APOC4: variants seen among roughly 807,000 people sequenced by gnomAD.
APOC4 encodes the protein apolipoprotein C4, also known as apolipoprotein C-IV.
A neutral mutation model predicts 8.4 loss-of-function variants in APOC4; 10 were observed. The observed-to-expected ratio is 1.19, with a 90% CI of 0.74 to 2.03. The LOEUF (loss-of-function observed/expected upper bound fraction) is 2.03, where lower values mean the gene tolerates loss of function less well. Ranked by LOEUF, APOC4 falls within the 30% of genes most tolerant of loss-of-function variation. The pLI is 0.00. For missense variants in APOC4, 160 were observed against 156.1 expected, an observed-to-expected ratio of 1.02 and a Z score of -0.13; for synonymous variants, 59 against 65.8, an observed-to-expected ratio of 0.90 and a Z score of 0.50.
intron 1 of APOC4, among the ~76,000 whole-genome samples, chr19:44,943,073 C>T (rs889647192): frequency 6.6e-6 from 1 of 152,146 alleles, no homozygotes; most frequent in African/African-American, 2.4e-5. Context: ...AGGAGCCCAC[C>T]ACCACGCCTG....
intron 2 of APOC4, 75 bp downstream of exon 2, chr19:44,944,965 T>C: frequency 6.5e-7 from 1 of 1,538,046 alleles, no homozygotes; most frequent in South Asian, 1.2e-5. Context: ...CCTGGACCCC[T>C]GAGTCTCAGG....
intron 1 of APOC4, 92 bp downstream of exon 1, chr19:44,942,445 T>G (rs1568631781): frequency 7.7e-7 from 1 of 1,302,232 alleles, no homozygotes; most frequent in East Asian, 2.5e-5. Flanking sequence ...ACGTGAGACA[T>G]GAGTACGGAG....
At chr19:44,944,246 T>C (rs1454930818) in intron 1 of APOC4, among the ~76,000 whole-genome samples, 1 of 152,018 alleles carries the variant, frequency 6.6e-6, no homozygotes, top group Non-Finnish European at 1.5e-5. Context: ...GGTGAAGAGA[T>C]GGCCCAGCCG....
intron 1 of APOC4, among the ~76,000 whole-genome samples, chr19:44,943,672 A>G (rs1255406813): frequency 6.6e-6 from 1 of 151,850 alleles, no homozygotes; most frequent in African/African-American, 2.4e-5. Flanking sequence ...GGTTGCAGTG[A>G]GCCGAGATCG....
chr19:44,944,655 G>T, intron 1 of APOC4, 94 bp from the exon 2 acceptor site: 11 of 1,461,640 alleles, frequency 7.5e-6, no homozygotes, highest in Non-Finnish European at 1.0e-5. Context: ...CTGCCCCTGG[G>T]CCACCGGGAG....
At chr19:44,944,937 A>C (rs1207528249) in intron 2 of APOC4, 47 bp downstream of exon 2, 2 of 1,567,198 alleles carry the variant, frequency 1.3e-6, no homozygotes, top group Admixed American at 1.9e-5. Context: ...CCTGGGTCTG[A>C]GGGAGGAGGG....
At position 44,945,301 on chromosome 19, in the gene APOC4, G is replaced by A. The variant is rs562108646; in HGVS notation, c.380G>A (p.Gly127Asp). 1.8e-5 allele frequency: 29 copies of A among 1,612,478 alleles called. No homozygotes were observed. Among genetic ancestry groups the A allele is most frequent in the Non-Finnish European group, 2.3e-5 (27 of 1,179,536 alleles). The part of the protein sequence containing the change: ...PRLVCGDKDQ[G>D] ...CTTGTCTGTGGGGACAAGGACCAGG[G>A]TTAAAATGTTCATAAAAGCCAGGTG... Residue 127 changes from glycine to aspartate, a missense_variant, in exon 3 of 3, where the codon GGT (glycine) becomes GAT (aspartate). Physicochemically the swap from Gly to Asp is moderately conservative, Grantham distance 94 (BLOSUM62 -1). Coordinates refer to ENST00000592954, the MANE Select transcript of APOC4 (RefSeq NM_001646.3).
intron 1 of APOC4, among the ~76,000 whole-genome samples, 168 bp downstream of exon 1, chr19:44,942,521 G>C (rs1374780866): frequency 6.6e-6 from 1 of 152,190 alleles, no homozygotes; most frequent in Non-Finnish European, 1.5e-5. Context: ...GTGGCTGAGA[G>C]TGAAGTGTGA....
chr19:44,942,581 C>T (rs532259779), intron 1 of APOC4, among the ~76,000 whole-genome samples: 7 of 151,152 alleles, frequency 4.6e-5, no homozygotes, highest in Non-Finnish European at 7.4e-5. Context: ...CACGTGCGTG[C>T]GTGGAAGTGG....
Position 44,945,409 on chromosome 19 carries a change from C to A in APOC4, c.*104C>A. ...CTTGAGCCCAGGAGTTCGAGACCAG[C>A]CTGGGCAACACAGCGAGATCTCTTG... is the stretch of plus-strand genomic sequence containing the variant. On this transcript the variant is annotated 3_prime_UTR_variant, in exon 3 of 3. Transcript: ENST00000592954. 1.7e-6 allele frequency: 2 copies of A among 1,179,656 alleles called. No homozygotes were observed. The highest frequency in any genetic ancestry group is 1.5e-5 in the African/African-American group (1 of 64,722). 73.1% of individuals were successfully genotyped at this position (1,179,656 alleles called of 1,614,324 possible).
chr19:44,943,795 G>GT (rs1195872402), intron 1 of APOC4, among the ~76,000 whole-genome samples: 1 of 152,138 alleles, frequency 6.6e-6, no homozygotes, highest in African/African-American at 2.4e-5. Flanking sequence ...ATCGTATGTA[G>GT]TAACTCTTAA....
Position 44,945,358 on chromosome 19 carries a change from C to T in APOC4, c.*53C>T, listed in dbSNP as rs1053991923. ...TGGCGGGTGCCTGTAGTCCCAGCTA[C>T]TCAGGAGGCTGAGGTAGGATGATGG... On this transcript the variant is annotated 3_prime_UTR_variant, in exon 3 of 3. Transcript: ENST00000592954. The T allele has an allele frequency of 6.4e-7, 1 of 1,562,844 alleles. No homozygotes were observed. Among genetic ancestry groups the T allele is most frequent in the Non-Finnish European group, 8.6e-7 (1 of 1,156,456 alleles).
At chr19:44,943,120 G>A (rs1368322529) in intron 1 of APOC4, among the ~76,000 whole-genome samples, 1 of 151,882 alleles carries the variant, frequency 6.6e-6, no homozygotes, top group Non-Finnish European at 1.5e-5. Flanking sequence ...ACGGGGTTTC[G>A]CCGTGTTAGC....
intron 1 of APOC4, among the ~76,000 whole-genome samples, chr19:44,942,855 G>A (rs553608400): frequency 2.0e-5 from 3 of 149,952 alleles, no homozygotes; most frequent in Non-Finnish European, 4.4e-5. Context: ...CCGCCTACCC[G>A]TTTCAAGGGA....
rs1029267523 is a variant in APOC4 at position 44,944,606 on chromosome 19, A to C, written c.77-143A>C. 4.1e-6 allele frequency: 4 copies of C among 964,084 alleles called. No homozygotes were observed. In the Admixed American group the frequency reaches 9.2e-5, roughly 22 times the overall value. 59.7% of individuals were successfully genotyped at this position (964,084 alleles called of 1,614,324 possible). A position where few individuals can be genotyped will look rare whatever the true frequency, so the allele number is the denominator to read the frequency against. On this transcript the variant is annotated intron_variant, in intron 1 of 2. Coordinates refer to ENST00000592954, the MANE Select transcript of APOC4 (RefSeq NM_001646.3). ...AGAGGGGTTAGCGGTCAGGGGACACATAAGGGTAAAGGCAGGAGGCAAGAG... is the reference window on the plus strand; with the variant it reads ...AGAGGGGTTAGCGGTCAGGGGACACCTAAGGGTAAAGGCAGGAGGCAAGAG...
chr19:44,945,014 T>A (rs1378792903), intron 2 of APOC4, 124 bp downstream of exon 2: 31 of 1,524,060 alleles, frequency 2.0e-5, no homozygotes, highest in Non-Finnish European at 2.7e-5. Flanking sequence ...GACCCCTAGG[T>A]CTGGGAGGAG....
At chr19:44,942,436 C>A in intron 1 of APOC4, 83 bp downstream of exon 1, 1 of 1,382,824 alleles carries the variant, frequency 7.2e-7, no homozygotes, top group East Asian at 2.4e-5. Flanking sequence ...TCTGTAGCCA[C>A]GTGAGACATG....
intron 1 of APOC4, among the ~76,000 whole-genome samples, chr19:44,943,494 C>T (rs982312418): frequency 2.0e-5 from 3 of 151,750 alleles, no homozygotes; most frequent in African/African-American, 4.8e-5. Flanking sequence ...GAGGCCGAGG[C>T]GGGTGGATCG....
At chr19:44,944,982 G>C in intron 2 of APOC4, 92 bp downstream of exon 2, 1 of 1,528,088 alleles carries the variant, frequency 6.5e-7, no homozygotes, top group Non-Finnish European at 8.8e-7. Flanking sequence ...CAGGGAGGAG[G>C]AAAGGGTGGG....
Sources: gnomAD v4.1 joint callset for allele counts (sites outside exome capture counted in the v4.1 genomes callset) on GRCh38, gnomAD v4.1.1 for gene constraint, MANE v1.5 for transcripts, NCBI Gene and HGNC (gene_info 2026-07-23, HGNC 2026-07-21) for gene names.